ZCCHC10: variants seen among roughly 807,000 people sequenced by gnomAD.
The protein encoded by ZCCHC10 is zinc finger CCHC domain-containing protein 10.
Under a neutral mutation model 19.5 loss-of-function variants are expected in ZCCHC10, and 16 were observed. The ratio of observed to expected loss-of-function variants is 0.82; its 90% CI spans 0.56 to 1.25. The LOEUF is 1.25. Ranked by LOEUF, ZCCHC10 falls within the 50% of genes most tolerant of loss-of-function variation. ZCCHC10 has a pLI of 0.00. For synonymous variants in ZCCHC10, 67 were observed against 72.5 expected (o/e 0.92, Z 0.38); for missense variants, 197 against 201.0 (o/e 0.98, Z 0.12).
At position 133,026,506 on chromosome 5, in the gene ZCCHC10, C is replaced by G. The variant is rs773600166; in HGVS notation, c.32G>C (p.Arg11Pro). 1 of 1,613,652 alleles carries G rather than the reference C, an allele frequency of 6.2e-7. No individual in the cohort carries two copies. The highest frequency in any genetic ancestry group is 2.2e-5 in the East Asian group (1 of 44,882). ...CCGGATCCTTACTTACGCTTGTCTC[C>G]GGGCTATTAGCCGATGCATGGGAGT... is the stretch of plus-strand genomic sequence containing the variant. MATPMHRLIA[R>P]RQAFDTELQP... The change falls in exon 1 of 5, where the codon CGG (arginine) becomes CCG (proline). Residue 11 changes from arginine (R) to proline (P), a missense_variant. Transcript: ENST00000509437.
rs34331639 is a variant in ZCCHC10 at position 133,001,953 on chromosome 5, CTTTTTTT to C, written c.270-1787_270-1781del. 4.4e-4 allele frequency among the ~76,000 whole-genome samples: 34 copies of C among 77,864 alleles called. No homozygotes were observed. The South Asian group carries it at 0.013, about 30-fold the overall frequency. The allele number at this position is 77,864 out of a possible 152,430, so 51.1% of individuals were successfully genotyped here. A position where few individuals can be genotyped will look rare whatever the true frequency, so the allele number is the denominator to read the frequency against. ...TATAACTGAATCAAAATTCAGCAAT[CTTTTTTT>C]TTTTTTTTTTTTTTTTTTTTGAGAT... On this transcript the variant is annotated intron_variant, in intron 3 of 4. Transcript: ENST00000509437.
At chr5:132,999,839 C>T (rs1762648894) in intron 4 of ZCCHC10, among the ~76,000 whole-genome samples, 1 of 152,116 alleles carries the variant, frequency 6.6e-6, no homozygotes, top group African/African-American at 2.4e-5. Context: ...CCTCTGCCTC[C>T]CAGGTTCAAG....
intron 3 of ZCCHC10, chr5:133,003,184 G>A: frequency 2.8e-6 from 1 of 352,732 alleles, no homozygotes; most frequent in Non-Finnish European, 5.6e-6. Flanking sequence ...TGTATTTATT[G>A]GAACTGGAGG....
At position 132,997,088 on chromosome 5, in the gene ZCCHC10, C is replaced by CTTTA. The variant is rs1177090333; in HGVS notation, c.*1491_*1494dup. The CTTTA allele has an allele frequency of 6.6e-6, 1 of 152,140 alleles. No individual in the cohort carries two copies. The highest frequency in any genetic ancestry group is 2.4e-5 in the African/African-American group (1 of 41,432). The allele number at this position is 152,140 out of a possible 1,614,324, so 9.4% of individuals were successfully genotyped here. A position where few individuals can be genotyped will look rare whatever the true frequency, so the allele number is the denominator to read the frequency against. Reference sequence around the variant, plus strand: ...CGTGTTCTTTAACTGCTAATATTACCTTTACAGAGACAAACATTATAAAAT... The same window carrying CTTTA: ...CGTGTTCTTTAACTGCTAATATTACCTTTATTTACAGAGACAAACATTATAAAAT... On this transcript the variant is annotated 3_prime_UTR_variant, in exon 5 of 5. Transcript: ENST00000509437.
chr5:133,008,028 A>G (rs769328520), intron 2 of ZCCHC10, among the ~76,000 whole-genome samples: 33 of 151,700 alleles, frequency 2.2e-4, no homozygotes, highest in Admixed American at 5.3e-4. Flanking sequence ...GATCGAGACC[A>G]TCCTGGCTAA....
intron 3 of ZCCHC10, among the ~76,000 whole-genome samples, chr5:133,002,707 T>C (rs1050709600): frequency 2.7e-5 from 4 of 149,780 alleles, no homozygotes; most frequent in Admixed American, 6.7e-5. Flanking sequence ...CATATGAACA[T>C]TTTTAACAGC....
chr5:133,015,077 G>GTTTT (rs35057432), intron 2 of ZCCHC10, among the ~76,000 whole-genome samples: 1,350 of 128,734 alleles, frequency 0.01, 68 homozygotes, highest in African/African-American at 0.039. Flanking sequence ...CCACTGTGAG[G>GTTTT]TTTTTTTTTT....
chr5:133,024,554 G>T (rs1764540731), intron 1 of ZCCHC10, among the ~76,000 whole-genome samples: 1 of 152,184 alleles, frequency 6.6e-6, no homozygotes, highest in African/African-American at 2.4e-5. Flanking sequence ...GGATCCTGGT[G>T]ACATCATTTA....
intron 2 of ZCCHC10, among the ~76,000 whole-genome samples, chr5:133,015,898 ACTC>A (rs1763887947): frequency 6.6e-6 from 1 of 152,154 alleles, no homozygotes; most frequent in Non-Finnish European, 1.5e-5. Flanking sequence ...TAAATATCCT[ACTC>A]CTCATTAAAT....
chr5:133,021,143 G>A (rs1219058932), intron 2 of ZCCHC10, among the ~76,000 whole-genome samples: 1 of 151,898 alleles, frequency 6.6e-6, no homozygotes, highest in Non-Finnish European at 1.5e-5. Context: ...TGATCCGCCC[G>A]CCTCGGCCTC....
chr5:133,022,845 T>TAAC lies in ZCCHC10; in HGVS notation c.100_102dup (p.Val34dup). On this transcript the variant is annotated inframe_insertion, in exon 2 of 5. Coordinates refer to ENST00000509437, the MANE Select transcript of ZCCHC10 (RefSeq NM_001300816.3). ...ACACAAAGCTGAGAGGGATACCTAA[T>TAAC]AACGATGGATGGCTGAATCAGGATC... The TAAC allele has an allele frequency of 3.3e-6, 2 of 606,778 alleles. No individual in the cohort carries two copies. Among genetic ancestry groups the TAAC allele is most frequent in the South Asian group, 3.9e-5 (2 of 51,032 alleles). 37.6% of individuals were successfully genotyped at this position (606,778 alleles called of 1,614,324 possible).
At position 132,997,573 on chromosome 5, in the gene ZCCHC10, C is replaced by T. The variant is rs1248015049; in HGVS notation, c.*1010G>A. ...TCCTATGTAAACACACCAGATTAATCCTAGTCATTCATATATATGCAGTAG... is the reference window on the plus strand; with the variant it reads ...TCCTATGTAAACACACCAGATTAATTCTAGTCATTCATATATATGCAGTAG... On this transcript the variant is annotated 3_prime_UTR_variant, in exon 5 of 5. Coordinates refer to ENST00000509437, the MANE Select transcript of ZCCHC10 (RefSeq NM_001300816.3). 6.6e-6 allele frequency: 1 copy of T among 152,060 alleles called. No individual in the cohort carries two copies. The highest frequency in any genetic ancestry group is 6.6e-5 in the Admixed American group (1 of 15,250). 9.4% of individuals were successfully genotyped at this position (152,060 alleles called of 1,614,324 possible).
At chr5:133,017,402 C>G (rs1379319179) in intron 2 of ZCCHC10, among the ~76,000 whole-genome samples, 1 of 151,830 alleles carries the variant, frequency 6.6e-6, no homozygotes, top group Non-Finnish European at 1.5e-5. Flanking sequence ...CAGTGTCTGA[C>G]TCTGCTGCCC....
chr5:133,026,438 T>C (rs2126673997), intron 1 of ZCCHC10, 59 bp downstream of exon 1: 1 of 1,601,018 alleles, frequency 6.2e-7, no homozygotes, highest in Non-Finnish European at 8.5e-7. Context: ...CACCAGCCCG[T>C]TGACGCGCGT....
intron 2 of ZCCHC10, 80 bp downstream of exon 2, chr5:133,022,761 A>G (rs946358586): frequency 2.3e-6 from 1 of 436,000 alleles, no homozygotes; most frequent in East Asian, 3.5e-5. Context: ...CTTGTTCAAC[A>G]TTTTTATAAA....
chr5:133,015,253 A>G (rs1011848466), intron 2 of ZCCHC10, among the ~76,000 whole-genome samples: 2 of 151,686 alleles, frequency 1.3e-5, no homozygotes, highest in South Asian at 4.2e-4. Context: ...TAATTTTTGT[A>G]TTTTTAGCAG....
chr5:133,008,224 CAA>C (rs1226503517), intron 2 of ZCCHC10, among the ~76,000 whole-genome samples: 40 of 68,610 alleles, frequency 5.8e-4, no homozygotes, highest in African/African-American at 1.3e-3. Flanking sequence ...GACTCTGTCT[CAA>C]AAAAAAAAAA....
chr5:133,025,732 C>T (rs1444941188), intron 1 of ZCCHC10, among the ~76,000 whole-genome samples: 1 of 152,116 alleles, frequency 6.6e-6, no homozygotes, highest in East Asian at 1.9e-4. Flanking sequence ...CTTTAAATCT[C>T]TGTTCAAATT....
chr5:133,019,554 G>C (rs1764157302), intron 2 of ZCCHC10, among the ~76,000 whole-genome samples: 1 of 152,048 alleles, frequency 6.6e-6, no homozygotes, highest in African/African-American at 2.4e-5. Flanking sequence ...CCTATTGTTG[G>C]CAAAAGCAGG....
Sources: gnomAD v4.1 joint callset for allele counts (sites outside exome capture counted in the v4.1 genomes callset) on GRCh38, gnomAD v4.1.1 for gene constraint, MANE v1.5 for transcripts, NCBI Gene and HGNC (gene_info 2026-07-23, HGNC 2026-07-21) for gene names.